MARCHF1: variants seen among roughly 807,000 people sequenced by gnomAD.
MARCHF1 encodes the protein membrane associated ring-CH-type finger 1.
In MARCHF1, 40 loss-of-function variants were observed where a neutral mutation model predicts 54.2. That is an observed-to-expected ratio of 0.74 (90% CI 0.57 to 0.96). The LOEUF is 0.96. Among genes scored for constraint, MARCHF1 ranks in the 40% least tolerant of loss-of-function variants. MARCHF1 has a pLI of 0.00. For synonymous variants in MARCHF1, 236 were observed against 236.3 expected (o/e 1.00, Z 0.01); for missense variants, 586 against 656.5 (o/e 0.89, Z 1.17).
At chr4:164,062,507 T>A (rs2111071070) in intron 2 of MARCHF1, among the ~76,000 whole-genome samples, 1 of 152,140 alleles carries the variant, frequency 6.6e-6, no homozygotes, top group South Asian at 2.1e-4. Flanking sequence ...ATTACAAAAT[T>A]TTTCTTTTAG....
intron 2 of MARCHF1, among the ~76,000 whole-genome samples, chr4:163,999,795 T>A (rs1422423640): frequency 6.6e-6 from 1 of 151,652 alleles, no homozygotes; most frequent in African/African-American, 2.4e-5. Context: ...ATTTAATTTG[T>A]TCCCCAACAC....
intron 4 of MARCHF1, among the ~76,000 whole-genome samples, chr4:163,807,540 G>A (rs933769798): frequency 2.6e-5 from 4 of 152,024 alleles, no homozygotes; most frequent in African/African-American, 9.7e-5. Flanking sequence ...CAAAGTAGAG[G>A]TAATTCAAAT....
chr4:163,975,188 TCTCTCTCTCACA>T (rs753647878), intron 3 of MARCHF1, among the ~76,000 whole-genome samples: 24 of 133,880 alleles, frequency 1.8e-4, no homozygotes, highest in East Asian at 2.9e-4. Flanking sequence ...TCTCTCTCTC[TCTCTCTCTCACA>T]CACACACACA....
rs7659197 is a variant in MARCHF1, at chr4:164,093,022, G to A, written c.-248+18566C>T. On this transcript the variant is annotated intron_variant, in intron 2 of 9. Transcript: ENST00000514618. The stretch of plus-strand genomic sequence containing the variant: ...AAAGAACCTTGGTAATTTGAAGGTC[G>A]GGTTAATAACTGGGTAAGATGGAAT... 3.3e-5 allele frequency among the ~76,000 whole-genome samples: 5 copies of A among 151,952 alleles called. No individual in the cohort carries two copies. In the South Asian group the frequency reaches 8.3e-4, roughly 25 times the overall value.
chr4:163,613,599 G>A (rs1741423122), intron 5 of MARCHF1: 2 of 1,450,258 alleles, frequency 1.4e-6, no homozygotes, highest in South Asian at 3.1e-5. Flanking sequence ...CTGAGATGCT[G>A]CGCTATTTTG....
intron 1 of MARCHF1, among the ~76,000 whole-genome samples, chr4:164,224,177 A>G (rs1463118746): frequency 6.6e-6 from 1 of 151,226 alleles, no homozygotes; most frequent in Admixed American, 6.6e-5. Context: ...ACACAATTCT[A>G]TTTTGTGTCT....
At chr4:164,014,119 G>A (rs1753485800) in intron 2 of MARCHF1, among the ~76,000 whole-genome samples, 1 of 151,480 alleles carries the variant, frequency 6.6e-6, no homozygotes, top group Non-Finnish European at 1.5e-5. Flanking sequence ...TTGAACCCAG[G>A]AGGCAGAGGT....
intron 3 of MARCHF1, among the ~76,000 whole-genome samples, chr4:163,903,039 T>C (rs936302419): frequency 6.6e-6 from 1 of 152,186 alleles, no homozygotes; most frequent in African/African-American, 2.4e-5. Flanking sequence ...ACAACCTCCA[T>C]TTCTAAAATC....
chr4:164,295,039 G>C (rs1334487537), intron 1 of MARCHF1, among the ~76,000 whole-genome samples: 1 of 151,286 alleles, frequency 6.6e-6, no homozygotes, highest in Non-Finnish European at 1.5e-5. Context: ...ACACATTTAC[G>C]TAAGTTTTAC....
intron 5 of MARCHF1, among the ~76,000 whole-genome samples, chr4:163,680,432 C>G (rs1319256388): frequency 6.6e-6 from 1 of 152,190 alleles, no homozygotes; most frequent in Non-Finnish European, 1.5e-5. Flanking sequence ...TTATAGGTAA[C>G]TAGTACTTGT....
At chr4:164,235,414 G>C (rs1266361513) in intron 1 of MARCHF1, among the ~76,000 whole-genome samples, 1 of 152,122 alleles carries the variant, frequency 6.6e-6, no homozygotes, top group Non-Finnish European at 1.5e-5. Context: ...ATTGAGTCCT[G>C]TTGTTTTCCC....
chr4:163,767,169 T>G (rs1338033217), intron 4 of MARCHF1, among the ~76,000 whole-genome samples: 5 of 150,314 alleles, frequency 3.3e-5, no homozygotes, highest in African/African-American at 1.2e-4. Flanking sequence ...TCTGCCTGAC[T>G]CTACAGTTTT....
At chr4:163,615,832 C>T (rs1741491157) in intron 5 of MARCHF1, among the ~76,000 whole-genome samples, 2 of 152,094 alleles carry the variant, frequency 1.3e-5, no homozygotes, top group Admixed American at 6.6e-5. Context: ...AAATGTGCTA[C>T]AAATTCATAG....
At chr4:164,169,817 A>C (rs1273573827) in intron 1 of MARCHF1, among the ~76,000 whole-genome samples, 1 of 152,218 alleles carries the variant, frequency 6.6e-6, no homozygotes, top group African/African-American at 2.4e-5. Flanking sequence ...TAACATCTTT[A>C]CTTGAGAGAA....
chr4:164,185,174 T>G (rs944981439), intron 1 of MARCHF1, among the ~76,000 whole-genome samples: 2 of 152,200 alleles, frequency 1.3e-5, no homozygotes, highest in African/African-American at 4.8e-5. Context: ...TGGGCAAAAA[T>G]ATCAGTAAAC....
rs997925281 is a variant in MARCHF1, at chr4:163,802,653, C to T, written c.111+51368G>A. On this transcript the variant is annotated intron_variant, in intron 4 of 9. Transcript: ENST00000514618. ...ACTTTGAATGTACATTAGACATATTCGATTCTTGAGAGAAAATCATCAACC... is the reference window on the plus strand; with the variant it reads ...ACTTTGAATGTACATTAGACATATTTGATTCTTGAGAGAAAATCATCAACC... 6.6e-5 allele frequency among the ~76,000 whole-genome samples: 10 copies of T among 152,248 alleles called. 1 individual carries two copies. The highest frequency in any genetic ancestry group is 1.9e-4 in the East Asian group (1 of 5,184).
chr4:163,681,273 A>C lies in MARCHF1; in HGVS notation c.162+19540T>G, dbSNP rs554808783. Among the ~76,000 whole-genome samples the C allele has an allele frequency of 7.9e-5, 12 of 152,312 alleles. No homozygotes were observed. In the South Asian group the frequency reaches 2.5e-3, roughly 32 times the overall value. On this transcript the variant is annotated intron_variant, in intron 5 of 9. Coordinates refer to ENST00000514618, the MANE Select transcript of MARCHF1 (RefSeq NM_001394959.1). ...TATAAAGAAAGAAAGATTGATAGAA[A>C]AAAAGGGCTATAACGTGTGGTTGGG... is the stretch of plus-strand genomic sequence containing the variant.
chr4:164,009,831 C>T (rs775075985), intron 2 of MARCHF1, among the ~76,000 whole-genome samples: 1 of 151,934 alleles, frequency 6.6e-6, no homozygotes, highest in South Asian at 2.1e-4. Flanking sequence ...ATAACAGCTA[C>T]CATCATACTG....
At chr4:163,585,981 C>T in intron 7 of MARCHF1, 52 bp from the exon 8 acceptor site, 1 of 1,504,732 alleles carries the variant, frequency 6.6e-7, no homozygotes, top group Non-Finnish European at 9.0e-7. Flanking sequence ...ACATTTCTCG[C>T]CTGTGTTATT....
Sources: allele counts gnomAD v4.1 joint callset (sites outside exome capture counted in the v4.1 genomes callset), GRCh38; gene constraint gnomAD v4.1.1; transcripts MANE v1.5; gene names NCBI Gene and HGNC (gene_info 2026-07-23, HGNC 2026-07-21).